Variants in LUZP2 observed in about 807,000 individuals in gnomAD.
LUZP2 encodes the protein leucine zipper protein 2.
In LUZP2, 52 loss-of-function variants were observed where a neutral mutation model predicts 51.6. The observed-to-expected ratio is 1.01, with a 90% CI of 0.81 to 1.27. The LOEUF (loss-of-function observed/expected upper bound fraction) is 1.27. Ranked by LOEUF, LUZP2 falls within the 50% of genes most tolerant of loss-of-function variation. The probability of loss-of-function intolerance (pLI) is 0.00; values close to 1 mark genes in which losing one functional copy is unlikely to be tolerated. For synonymous variants in LUZP2, 154 were observed against 137.3 expected (o/e 1.12, Z -0.85); for missense variants, 436 against 395.4 (o/e 1.10, Z -0.87).
chr11:25,002,049 A>G (rs1014872901), intron 9 of LUZP2, among the ~76,000 whole-genome samples: 2 of 152,090 alleles, frequency 1.3e-5, no homozygotes, highest in Non-Finnish European at 2.9e-5. Flanking sequence ...GAGGTTAGGA[A>G]CTCCCTTTCT....
chr11:25,054,553 C>T (rs1171110032), intron 10 of LUZP2, among the ~76,000 whole-genome samples: 2 of 151,720 alleles, frequency 1.3e-5, no homozygotes, highest in Admixed American at 1.3e-4. Flanking sequence ...ATTCAGTTGT[C>T]CTAGTCTTTA....
intron 9 of LUZP2, among the ~76,000 whole-genome samples, chr11:25,030,760 A>T (rs1247319883): frequency 6.7e-6 from 1 of 148,474 alleles, no homozygotes. Context: ...TCTTATTTAA[A>T]TTTTTTCATT....
At chr11:25,046,410 T>G (rs1858310743) in intron 9 of LUZP2, among the ~76,000 whole-genome samples, 2 of 152,092 alleles carry the variant, frequency 1.3e-5, no homozygotes, top group South Asian at 4.1e-4. Flanking sequence ...GAAATACAAT[T>G]TAAATTGCTA....
Position 24,778,532 on chromosome 11 carries a change from G to T in LUZP2, c.396+15224G>T, listed in dbSNP as rs962071306. ...GAACCAGCTAAAACTTGAATTCTTA[G>T]ATTTTTACATAAGGGGCTGAAAGGC... On this transcript the variant is annotated intron_variant, in intron 5 of 11. Coordinates refer to ENST00000336930, the MANE Select transcript of LUZP2 (RefSeq NM_001009909.4). 4.6e-5 allele frequency among the ~76,000 whole-genome samples: 7 copies of T among 152,212 alleles called. No individual in the cohort carries two copies. The South Asian group carries it at 1.5e-3, about 32-fold the overall frequency.
chr11:25,074,659 A>G (rs768030186), intron 10 of LUZP2, among the ~76,000 whole-genome samples: 2 of 152,266 alleles, frequency 1.3e-5, no homozygotes, highest in Non-Finnish European at 2.9e-5. Flanking sequence ...CGTACATTAT[A>G]TCTCCTTCTT....
intron 5 of LUZP2, among the ~76,000 whole-genome samples, chr11:24,771,741 T>C (rs1054817854): frequency 3.3e-5 from 5 of 152,064 alleles, no homozygotes; most frequent in African/African-American, 7.2e-5. Flanking sequence ...GTGGAGATAA[T>C]TGAATCATGG....
At chr11:25,066,647 G>A (rs1186443570) in intron 10 of LUZP2, among the ~76,000 whole-genome samples, 1 of 151,826 alleles carries the variant, frequency 6.6e-6, no homozygotes, top group Non-Finnish European at 1.5e-5. Flanking sequence ...GTTTTGTTTA[G>A]ATTGATTTTT....
At chr11:24,591,587 G>A (rs867794769) in intron 1 of LUZP2, among the ~76,000 whole-genome samples, 3 of 152,160 alleles carry the variant, frequency 2.0e-5, no homozygotes, top group Non-Finnish European at 4.4e-5. Flanking sequence ...GACTTTGCCT[G>A]TTAATATGCT....
intron 9 of LUZP2, among the ~76,000 whole-genome samples, chr11:25,041,218 G>A (rs1345559615): frequency 6.6e-6 from 1 of 151,920 alleles, no homozygotes; most frequent in Non-Finnish European, 1.5e-5. Context: ...TCCTCTATAC[G>A]CTGTATTTTT....
intron 7 of LUZP2, among the ~76,000 whole-genome samples, chr11:24,964,992 G>T (rs1420971912): frequency 1.3e-5 from 2 of 151,674 alleles, no homozygotes; most frequent in Admixed American, 6.6e-5. Flanking sequence ...TAGATGTGTA[G>T]TTCAGAGTCT....
chr11:24,825,789 A>G (rs1244402582), intron 5 of LUZP2, among the ~76,000 whole-genome samples: 1 of 152,044 alleles, frequency 6.6e-6, no homozygotes, highest in Non-Finnish European at 1.5e-5. Context: ...TGGGATCAGT[A>G]TTTTGGAAGC....
intron 7 of LUZP2, among the ~76,000 whole-genome samples, chr11:24,937,069 C>CAT (rs1565133063): frequency 6.6e-6 from 1 of 151,954 alleles, no homozygotes; most frequent in East Asian, 1.9e-4. Context: ...CACACACACA[C>CAT]ACATGAGTAA....
intron 1 of LUZP2, among the ~76,000 whole-genome samples, chr11:24,674,950 T>C (rs2133856785): frequency 6.6e-6 from 1 of 152,362 alleles, no homozygotes; most frequent in South Asian, 2.1e-4. Flanking sequence ...CTTAAAAATC[T>C]GAACTCAGTT....
At chr11:24,521,726 C>T (rs1057446456) in intron 1 of LUZP2, among the ~76,000 whole-genome samples, 3 of 152,064 alleles carry the variant, frequency 2.0e-5, no homozygotes, top group Non-Finnish European at 4.4e-5. Context: ...ACGGGCAGCT[C>T]CTTTGCAATT....
chr11:24,936,046 TGTTA>T (rs1460246481), intron 7 of LUZP2, among the ~76,000 whole-genome samples: 1 of 152,216 alleles, frequency 6.6e-6, no homozygotes, highest in African/African-American at 2.4e-5. Context: ...ATTTCATTAC[TGTTA>T]GTGAGTTGCT....
chr11:24,797,081 A>C (rs1309260189), intron 5 of LUZP2, among the ~76,000 whole-genome samples: 1 of 152,182 alleles, frequency 6.6e-6, no homozygotes, highest in Non-Finnish European at 1.5e-5. Context: ...TCCTGCATGA[A>C]TAACAGGGAG....
In LUZP2 at chr11:24,814,042, T is replaced by G. The variant is rs12280994; in HGVS notation, c.396+50734T>G. 9.3e-3 allele frequency among the ~76,000 whole-genome samples: 1,424 copies of G among 152,306 alleles called. 25 individuals carry two copies. The highest frequency in any genetic ancestry group is 0.031 in the African/African-American group (1,292 of 41,572). On this transcript the variant is annotated intron_variant, in intron 5 of 11. Coordinates refer to ENST00000336930, the MANE Select transcript of LUZP2 (RefSeq NM_001009909.4). ...ACAGTGCCTTGTACACAGTGAACAA[T>G]TGGTAGTGTTAGCTATTATTATATT...
intron 1 of LUZP2, among the ~76,000 whole-genome samples, chr11:24,536,109 G>A (rs868070349): frequency 6.6e-4 from 100 of 151,650 alleles, no homozygotes; most frequent in African/African-American, 2.3e-3. Context: ...ACATATTCAG[G>A]AAACCATTCT....
At chr11:24,954,075 A>G (rs1032365054) in intron 7 of LUZP2, among the ~76,000 whole-genome samples, 3 of 151,980 alleles carry the variant, frequency 2.0e-5, no homozygotes, top group African/African-American at 4.8e-5. Context: ...ACTCAGTAAT[A>G]AATGGCAAAC....
Sources: gnomAD v4.1 joint callset for allele counts (sites outside exome capture counted in the v4.1 genomes callset) on GRCh38, gnomAD v4.1.1 for gene constraint, MANE v1.5 for transcripts, NCBI Gene and HGNC (gene_info 2026-07-23, HGNC 2026-07-21) for gene names.